ITGB2: variants seen among roughly 807,000 people sequenced by gnomAD.
ITGB2 encodes the protein integrin beta-2.
A neutral mutation model predicts 86.8 loss-of-function variants in ITGB2; 56 were observed. The observed-to-expected ratio is 0.65, with a 90% CI of 0.52 to 0.81. ITGB2 has a LOEUF of 0.81. ITGB2 is among the 30% of genes least tolerant of loss of function. The pLI, the probability that ITGB2 is intolerant of heterozygous loss-of-function variation, is 0.00. For synonymous variants in ITGB2, 457 were observed against 450.4 expected (o/e 1.01, Z -0.19); for missense variants, 948 against 1,061.2 (o/e 0.89, Z 1.48).
At chr21:44,889,634 C>G in intron 12 of ITGB2, 139 bp from the exon 13 acceptor site, 1 of 900,488 alleles carries the variant, frequency 1.1e-6, no homozygotes, top group Non-Finnish European at 1.7e-6. Context: ...GGCATGGGGC[C>G]ACTAGCCAGG....
intron 4 of ITGB2, among the ~76,000 whole-genome samples, chr21:44,906,368 G>A (rs1021358648): frequency 5.3e-5 from 8 of 151,986 alleles, no homozygotes; most frequent in African/African-American, 1.5e-4. Context: ...TGATCCACCC[G>A]CCTCGGCCTC....
chr21:44,897,263 C>T (rs1297906091), intron 8 of ITGB2, among the ~76,000 whole-genome samples: 1 of 152,254 alleles, frequency 6.6e-6, no homozygotes, highest in Non-Finnish European at 1.5e-5. Context: ...CCCTGTAGTT[C>T]AGCAAATGTT....
intron 14 of ITGB2, among the ~76,000 whole-genome samples, chr21:44,888,332 C>A (rs1418741460): frequency 6.7e-6 from 1 of 149,024 alleles, no homozygotes; most frequent in Non-Finnish European, 1.5e-5. Flanking sequence ...GCGGGCCACC[C>A]CTGGGGACCT....
chr21:44,915,486 C>T (rs13050770), intron 1 of ITGB2, among the ~76,000 whole-genome samples: 23,818 of 152,090 alleles, frequency 0.16, 1,973 homozygotes, highest in African/African-American at 0.18. Flanking sequence ...CAAAGTGACT[C>T]GGAGGTGCGC....
chr21:44,903,331 G>C, intron 5 of ITGB2, 34 bp downstream of exon 5: 1 of 1,613,434 alleles, frequency 6.2e-7, no homozygotes, highest in Non-Finnish European at 8.5e-7. Flanking sequence ...TCTGGGAAAG[G>C]ACTGGGTTTT....
At chr21:44,926,664 G>A (rs964504731) in intron 1 of ITGB2, 2 of 152,292 alleles carry the variant, frequency 1.3e-5, no homozygotes, top group Non-Finnish European at 2.9e-5. Context: ...AACTGCTCAG[G>A]GTTTCTCATC....
intron 1 of ITGB2, among the ~76,000 whole-genome samples, chr21:44,916,792 C>T (rs560367410): frequency 7.3e-5 from 11 of 149,732 alleles, no homozygotes; most frequent in East Asian, 2.0e-4. Context: ...CACTTGAGCC[C>T]GGGAGGCAGA....
chr21:44,891,671 G>T, intron 11 of ITGB2, 138 bp downstream of exon 11: 1 of 920,872 alleles, frequency 1.1e-6, no homozygotes, highest in South Asian at 1.6e-5. Flanking sequence ...CCCACCTCCT[G>T]CAGAAGGGGG....
In ITGB2 at chr21:44,886,692, C is replaced by A. The variant is rs5030673; in HGVS notation, c.2247+44G>T. 3,139 of 1,611,696 alleles carry A rather than the reference C, an allele frequency of 1.9e-3. 68 individuals carry two copies. In the African/African-American group the frequency reaches 0.037, roughly 19 times the overall value. Reference sequence around the variant, plus strand: ...CAGCAGGAGGTCGCATAGTGTGGGACGCACGTGCCCCTCTGCGTGGGACCC... The same window carrying A: ...CAGCAGGAGGTCGCATAGTGTGGGAAGCACGTGCCCCTCTGCGTGGGACCC... On this transcript the variant is annotated intron_variant, in intron 15 of 15. Coordinates refer to ENST00000652462, the MANE Select transcript of ITGB2 (RefSeq NM_000211.5).
chr21:44,895,159 G>T (rs1313741428), intron 8 of ITGB2, 99 bp from the exon 9 acceptor site: 7 of 871,248 alleles, frequency 8.0e-6, no homozygotes, highest in Non-Finnish European at 1.4e-5. Flanking sequence ...CTGCAAAATG[G>T]CTGGGACGGT....
chr21:44,895,841 AAAATG>A (rs71199643), intron 8 of ITGB2, among the ~76,000 whole-genome samples: 8,850 of 129,286 alleles, frequency 0.068, 898 homozygotes, highest in African/African-American at 0.24. Context: ...TCAATAAAAT[AAAATG>A]AAATGAAATG....
intron 2 of ITGB2, 161 bp from the exon 3 acceptor site, chr21:44,910,533 C>G (rs2084114912): frequency 2.0e-6 from 3 of 1,472,218 alleles, no homozygotes; most frequent in Non-Finnish European, 1.9e-6. Context: ...AAAGAGGGGC[C>G]CTCGGGAAAC....
At chr21:44,902,764 G>T (rs189498130) in intron 5 of ITGB2, among the ~76,000 whole-genome samples, 1 of 151,804 alleles carries the variant, frequency 6.6e-6, no homozygotes, top group Non-Finnish European at 1.5e-5. Context: ...GTGCATGAGC[G>T]TGCATTTGTG....
At chr21:44,899,242 A>G in intron 7 of ITGB2, 80 bp from the exon 8 acceptor site, 1 of 1,075,652 alleles carries the variant, frequency 9.3e-7, no homozygotes, top group Non-Finnish European at 1.4e-6. Flanking sequence ...TGCCCCGCTC[A>G]GCGTCAGCCC....
chr21:44,888,922 G>A (rs2083740170), intron 13 of ITGB2, 27 bp from the exon 14 acceptor site: 3 of 1,595,222 alleles, frequency 1.9e-6, no homozygotes, highest in Admixed American at 1.7e-5. Flanking sequence ...GTGAGCATCG[G>A]TGCCAGGGTG....
intron 6 of ITGB2, among the ~76,000 whole-genome samples, chr21:44,900,690 A>AG (rs1197831239): frequency 2.0e-5 from 3 of 152,264 alleles, no homozygotes; most frequent in South Asian, 4.1e-4. Flanking sequence ...TGTGAGGCGC[A>AG]GGGAGTGGAG....
At position 44,928,812 on chromosome 21, in the gene ITGB2, G is replaced by GTGTGGGCTGCCTTCCTCACCCTGGATGGC. The variant is rs2084409160; in HGVS notation, c.-163_-162insGCCATCCAGGGTGAGGAAGGCAGCCCACA. On this transcript the variant is annotated 5_prime_UTR_variant, in exon 1 of 16. Coordinates refer to the ITGB2 transcript ENST00000355153. ...CTTTGGGGATGTGTCTCCAAGAAAA[G>GTGTGGGCTGCCTTCCTCACCCTGGATGGC]TGTGGGCTGCCTTCCTCACCCTGGA... 1.2e-5 allele frequency: 2 copies of GTGTGGGCTGCCTTCCTCACCCTGGATGGC among 166,780 alleles called. 1 individual carries two copies. Among genetic ancestry groups the GTGTGGGCTGCCTTCCTCACCCTGGATGGC allele is most frequent in the African/African-American group, 5.0e-5 (2 of 40,240 alleles). 10.3% of individuals were successfully genotyped at this position (166,780 alleles called of 1,614,324 possible).
At chr21:44,896,516 A>T (rs1257809780) in intron 8 of ITGB2, among the ~76,000 whole-genome samples, 1 of 152,022 alleles carries the variant, frequency 6.6e-6, no homozygotes, top group Non-Finnish European at 1.5e-5. Flanking sequence ...CCCCGCCCAA[A>T]CCCTCCCATG....
upstream of ITGB2, among the ~76,000 whole-genome samples, chr21:44,924,735 A>C (rs2838739): frequency 6.6e-6 from 1 of 152,002 alleles, no homozygotes; most frequent in Non-Finnish European, 1.5e-5. Flanking sequence ...AGCCTAGATC[A>C]CATACATCCA....
Sources: allele counts gnomAD v4.1 joint callset (sites outside exome capture counted in the v4.1 genomes callset), GRCh38; gene constraint gnomAD v4.1.1; transcripts MANE v1.5; gene names NCBI Gene and HGNC (gene_info 2026-07-23, HGNC 2026-07-21).